Variants in PCDHA11 observed in about 807,000 individuals in gnomAD.
PCDHA11 encodes protocadherin alpha 11, also known as protocadherin alpha-11.
PCDHA11 carries 61 observed loss-of-function variants against 70.3 expected under a neutral mutation model. The ratio of observed to expected loss-of-function variants is 0.87; its 90% CI spans 0.71 to 1.07. PCDHA11 has a LOEUF of 1.07. Ranked by LOEUF, PCDHA11 falls within the 50% of genes least tolerant of loss-of-function variation. The pLI, the probability that PCDHA11 is intolerant of heterozygous loss-of-function variation, is 0.00. For synonymous variants in PCDHA11, 633 were observed against 555.1 expected (o/e 1.14, Z -1.97); for missense variants, 1,324 against 1,237.5 (o/e 1.07, Z -1.05).
At chr5:140,914,944 CTTTT>C (rs35695909) in intron 1 of PCDHA11, among the ~76,000 whole-genome samples, 298 of 128,244 alleles carry the variant, frequency 2.3e-3, no homozygotes, top group African/African-American at 8.2e-3. Flanking sequence ...GAAAAGTTGT[CTTTT>C]TTTTTTTTTT....
At chr5:140,880,643 A>G (rs937655917) in intron 1 of PCDHA11, among the ~76,000 whole-genome samples, 1 of 152,198 alleles carries the variant, frequency 6.6e-6, no homozygotes, top group African/African-American at 2.4e-5. Context: ...TTCACTTGAG[A>G]GCCCAACTGA....
intron 3 of PCDHA11, among the ~76,000 whole-genome samples, chr5:140,993,043 A>G (rs1402138607): frequency 1.3e-5 from 2 of 152,186 alleles, no homozygotes; most frequent in Non-Finnish European, 2.9e-5. Context: ...TGTGTCATCA[A>G]GATGTCAATC....
intron 2 of PCDHA11, among the ~76,000 whole-genome samples, chr5:140,980,645 G>A (rs1322302727): frequency 6.7e-6 from 1 of 149,206 alleles, no homozygotes; most frequent in African/African-American, 2.5e-5. Flanking sequence ...ATAAATAAAT[G>A]AATAAAATAA....
rs1554163586 is a variant in PCDHA11, at chr5:140,869,907, C to T, written c.804C>T (p.Asp268=). ...TTGTGCTCAAACTAAACGCCACAGA[C>T]CGAGACGAAGGAGTCAATGGAGAGG... is the stretch of plus-strand genomic sequence containing the variant. ...ETLVLKLNAT[D]RDEGVNGEVT... is the part of the protein sequence containing the mutation. Residue 268 remains aspartate, a synonymous_variant, in exon 1 of 4, where the codon GAC becomes GAT. Transcript: ENST00000398640. 1.9e-6 allele frequency: 3 copies of T among 1,610,738 alleles called. No individual in the cohort carries two copies. The East Asian group carries it at 6.7e-5, about 36-fold the overall frequency.
At chr5:140,929,034 C>A in intron 1 of PCDHA11, 4 of 1,614,158 alleles carry the variant, frequency 2.5e-6, no homozygotes, top group Non-Finnish European at 3.4e-6. Flanking sequence ...CAGGCTGTTG[C>A]GCTCAGAGCT....
intron 1 of PCDHA11, chr5:140,876,114 A>G: frequency 2.5e-6 from 4 of 1,613,960 alleles, no homozygotes; most frequent in Non-Finnish European, 3.4e-6. Context: ...TGCTGATGGT[A>G]ATCGATGGCG....
At chr5:140,996,802 T>C (rs1554255415) in intron 3 of PCDHA11, among the ~76,000 whole-genome samples, 1 of 152,218 alleles carries the variant, frequency 6.6e-6, no homozygotes, top group Non-Finnish European at 1.5e-5. Flanking sequence ...CATCCAATCA[T>C]GCTTTCCAAA....
At chr5:140,912,865 A>G (rs1554195582) in intron 1 of PCDHA11, among the ~76,000 whole-genome samples, 1 of 152,138 alleles carries the variant, frequency 6.6e-6, no homozygotes, top group East Asian at 1.9e-4. Flanking sequence ...GAAATGATAT[A>G]TGGTTTTTGG....
chr5:140,978,217 A>G (rs1554239114), intron 1 of PCDHA11, among the ~76,000 whole-genome samples: 2 of 152,222 alleles, frequency 1.3e-5, no homozygotes, highest in East Asian at 1.9e-4. Flanking sequence ...TGCAAAATGT[A>G]TCAGGTTTTT....
At chr5:141,004,054 G>A (rs2098150015) in intron 3 of PCDHA11, among the ~76,000 whole-genome samples, 1 of 152,216 alleles carries the variant, frequency 6.6e-6, no homozygotes, top group Admixed American at 6.5e-5. Flanking sequence ...TGCTGATACT[G>A]GCCCCTGGTT....
At chr5:140,927,533 C>T in intron 1 of PCDHA11, 1 of 1,614,102 alleles carries the variant, frequency 6.2e-7, no homozygotes, top group Non-Finnish European at 8.5e-7. Flanking sequence ...CCTGCCCGCT[C>T]AGGAGACGCA....
intron 2 of PCDHA11, 175 bp downstream of exon 2, chr5:140,979,182 A>C: frequency 2.6e-5 from 24 of 928,990 alleles, no homozygotes; most frequent in Non-Finnish European, 3.1e-5. Context: ...GCAAATGGTC[A>C]GTGCCAGATG....
intron 2 of PCDHA11, among the ~76,000 whole-genome samples, chr5:140,979,939 T>A (rs2096870929): frequency 6.6e-6 from 1 of 152,210 alleles, no homozygotes; most frequent in African/African-American, 2.4e-5. Context: ...ATGTGTAGAG[T>A]TAATGTGAAA....
chr5:140,995,372 G>A (rs1363484150), intron 3 of PCDHA11, among the ~76,000 whole-genome samples: 3 of 152,168 alleles, frequency 2.0e-5, no homozygotes, highest in African/African-American at 7.2e-5. Context: ...GATGATTCAC[G>A]TACTGGGCAG....
chr5:140,889,089 A>G (rs1186785152), intron 1 of PCDHA11, among the ~76,000 whole-genome samples: 2 of 151,884 alleles, frequency 1.3e-5, no homozygotes, highest in Non-Finnish European at 2.9e-5. Flanking sequence ...AATTTTCAAA[A>G]CAATTTTTTC....
At chr5:140,926,938 G>C in intron 1 of PCDHA11, 1 of 1,581,492 alleles carries the variant, frequency 6.3e-7, no homozygotes. Context: ...GGTTTCCTGC[G>C]GCGCTGCAGC....
At chr5:140,967,481 G>C (rs1554229603) in intron 1 of PCDHA11, 2 of 1,613,426 alleles carry the variant, frequency 1.2e-6, no homozygotes, top group Admixed American at 1.7e-5. Flanking sequence ...AGCCCGCTCG[G>C]GTACGGCACA....
intron 1 of PCDHA11, chr5:140,929,151 T>C: frequency 6.2e-7 from 1 of 1,614,202 alleles, no homozygotes; most frequent in East Asian, 2.2e-5. Context: ...TTTCTCAGAC[T>C]TATCTCTATC....
intron 1 of PCDHA11, among the ~76,000 whole-genome samples, chr5:140,952,816 C>T (rs2094802630): frequency 6.6e-6 from 1 of 152,134 alleles, no homozygotes; most frequent in South Asian, 2.1e-4. Context: ...GCAGGCTGTA[C>T]AGGAAGCATG....
Sources: allele counts gnomAD v4.1 joint callset (sites outside exome capture counted in the v4.1 genomes callset), GRCh38; gene constraint gnomAD v4.1.1; transcripts MANE v1.5; gene names NCBI Gene and HGNC (gene_info 2026-07-23, HGNC 2026-07-21).